ULK4: variants seen among roughly 807,000 people sequenced by gnomAD.
ULK4 encodes unc-51 like kinase 4.
Under a neutral mutation model 160.6 loss-of-function variants are expected in ULK4, and 133 were observed. The observed-to-expected ratio is 0.83, with a 90% CI of 0.72 to 0.96. The LOEUF (loss-of-function observed/expected upper bound fraction) is 0.96, where lower values mean the gene tolerates loss of function less well. ULK4 is among the 40% of genes least tolerant of loss of function. ULK4 has a pLI of 0.00. For synonymous variants in ULK4, 534 were observed against 539.8 expected, an observed-to-expected ratio of 0.99 and a Z score of 0.15; for missense variants, 1,580 against 1,499.5, an observed-to-expected ratio of 1.05 and a Z score of -0.89.
intron 34 of ULK4, among the ~76,000 whole-genome samples, chr3:41,413,810 T>A (rs1202490099): frequency 6.6e-6 from 1 of 152,360 alleles, no homozygotes; most frequent in Non-Finnish European, 1.5e-5. Context: ...TTTCCATTGC[T>A]TTCTTCATGC....
At chr3:41,492,607 G>T (rs1289471070) in intron 32 of ULK4, among the ~76,000 whole-genome samples, 1 of 151,050 alleles carries the variant, frequency 6.6e-6, no homozygotes, top group African/African-American at 2.5e-5. Context: ...TGGACTAAAT[G>T]CTCCAATTAA....
At chr3:41,959,129 C>T (rs747797261) in intron 1 of ULK4, among the ~76,000 whole-genome samples, 13 of 151,934 alleles carry the variant, frequency 8.6e-5, no homozygotes, top group Admixed American at 2.6e-4. Flanking sequence ...TTTGGGGGGC[C>T]GAGGAGGGTG....
intron 4 of ULK4, among the ~76,000 whole-genome samples, chr3:41,935,411 A>G (rs1201492106): frequency 6.6e-6 from 1 of 151,334 alleles, no homozygotes; most frequent in Non-Finnish European, 1.5e-5. Context: ...TTTTTTTTTT[A>G]GTTGAGATGG....
chr3:41,407,913 G>C (rs1028202291), intron 34 of ULK4, among the ~76,000 whole-genome samples: 1 of 152,070 alleles, frequency 6.6e-6, no homozygotes, highest in East Asian at 1.9e-4. Flanking sequence ...ATTTGCAGAA[G>C]ATATAATCTT....
intron 2 of ULK4, among the ~76,000 whole-genome samples, chr3:41,941,613 C>A (rs2148830827): frequency 6.6e-6 from 1 of 151,126 alleles, no homozygotes; most frequent in Middle Eastern, 3.4e-3. Flanking sequence ...AAAAATTAGC[C>A]AGGCATGGTG....
chr3:41,593,581 G>A (rs1242754336), intron 31 of ULK4, among the ~76,000 whole-genome samples: 2 of 152,200 alleles, frequency 1.3e-5, no homozygotes, highest in African/African-American at 2.4e-5. Context: ...TAACTACAGA[G>A]AGAGAGATAC....
intron 35 of ULK4, among the ~76,000 whole-genome samples, chr3:41,350,537 T>G (rs545077215): frequency 4.4e-4 from 67 of 152,222 alleles, no homozygotes; most frequent in Non-Finnish European, 9.0e-4. Flanking sequence ...GGTTTACTGT[T>G]TGACAGCCAG....
chr3:41,687,741 G>A (rs1253437147), intron 27 of ULK4: 1 of 152,150 alleles, frequency 6.6e-6, no homozygotes, highest in Non-Finnish European at 1.5e-5. Flanking sequence ...GGGTCATCAA[G>A]ATAAAGACAC....
At chr3:41,294,505 C>A (rs2125705756) in intron 35 of ULK4, among the ~76,000 whole-genome samples, 1 of 152,268 alleles carries the variant, frequency 6.6e-6, no homozygotes, top group South Asian at 2.1e-4. Context: ...TAAGAGTTTG[C>A]ACTTTTGTTG....
chr3:41,310,736 T>A (rs1379475619), intron 35 of ULK4, among the ~76,000 whole-genome samples: 1 of 152,104 alleles, frequency 6.6e-6, no homozygotes, highest in East Asian at 1.9e-4. Context: ...CTCACGCCTG[T>A]AATCCCAGCA....
At chr3:41,932,054 G>C (rs1699622252) in intron 4 of ULK4, 48 bp from the exon 5 acceptor site, 1 of 1,565,734 alleles carries the variant, frequency 6.4e-7, no homozygotes, top group Non-Finnish European at 8.7e-7. Context: ...AACTTAATTT[G>C]TACATATATC....
At chr3:41,762,346 T>G (rs1197533694) in intron 21 of ULK4, among the ~76,000 whole-genome samples, 6 of 152,146 alleles carry the variant, frequency 3.9e-5, no homozygotes, top group African/African-American at 1.4e-4. Flanking sequence ...AGTTCAACTG[T>G]TTTAATTTTT....
At chr3:41,256,363 T>C (rs750540585) in intron 35 of ULK4, among the ~76,000 whole-genome samples, 2 of 152,122 alleles carry the variant, frequency 1.3e-5, no homozygotes, top group Non-Finnish European at 2.9e-5. Flanking sequence ...CCAGCAACCA[T>C]GACAATGTGG....
At chr3:41,582,247 C>A (rs532305392) in intron 31 of ULK4, among the ~76,000 whole-genome samples, 2 of 152,060 alleles carry the variant, frequency 1.3e-5, no homozygotes, top group Admixed American at 1.3e-4. Flanking sequence ...ATGTGTCTTT[C>A]GCCTTCTGCC....
intron 34 of ULK4, among the ~76,000 whole-genome samples, chr3:41,417,541 C>T (rs2082555407): frequency 6.6e-6 from 1 of 152,086 alleles, no homozygotes; most frequent in South Asian, 2.1e-4. Flanking sequence ...TAAGGCTCCC[C>T]CTGGGAGAGC....
chr3:41,721,279 T>TTTTTTTTTTTTTTG (rs67078043), intron 22 of ULK4, among the ~76,000 whole-genome samples: 3 of 98,918 alleles, frequency 3.0e-5, no homozygotes, highest in African/African-American at 1.3e-4. Context: ...TTTTTTTTTT[T>TTTTTTTTTTTTTTG]TTTTTGGGTT....
At chr3:41,714,425 T>C (rs1050863744) in intron 25 of ULK4, among the ~76,000 whole-genome samples, 5 of 152,204 alleles carry the variant, frequency 3.3e-5, no homozygotes, top group Non-Finnish European at 7.3e-5. Flanking sequence ...TCATTTTAAC[T>C]AGTTACCTCT....
chr3:41,831,531 A>ATAGATATAGATATAT lies in ULK4; in HGVS notation c.1764+4332_1764+4333insATATATCTATATCTA. 6.5e-5 allele frequency among the ~76,000 whole-genome samples: 9 copies of ATAGATATAGATATAT among 138,126 alleles called. 1 individual carries two copies. Among genetic ancestry groups the ATAGATATAGATATAT allele is most frequent in the African/African-American group, 2.3e-4 (8 of 35,270 alleles). The allele number at this position is 138,126 out of a possible 152,430, so 90.6% of individuals were successfully genotyped here. ...TTATTGTTATTTTATATATATATAT[A>ATAGATATAGATATAT]TTTTTTTTTCTTTCTTAAACTTTAG... is the stretch of plus-strand genomic sequence containing the variant. On this transcript the variant is annotated intron_variant, in intron 18 of 36. Coordinates refer to ENST00000301831, the MANE Select transcript of ULK4 (RefSeq NM_017886.4).
chr3:41,908,969 T>C (rs1195983228), intron 11 of ULK4, among the ~76,000 whole-genome samples: 4 of 151,672 alleles, frequency 2.6e-5, no homozygotes, highest in Non-Finnish European at 5.9e-5. Flanking sequence ...AGCAGGCACC[T>C]GTAATCCCAG....
Sources: allele counts gnomAD v4.1 joint callset (sites outside exome capture counted in the v4.1 genomes callset), GRCh38; gene constraint gnomAD v4.1.1; transcripts MANE v1.5; gene names NCBI Gene and HGNC (gene_info 2026-07-23, HGNC 2026-07-21).